The following KAZN variants were observed in gnomAD, a reference collection of about 807,000 sequenced individuals.
The protein encoded by KAZN is kazrin.
A neutral mutation model predicts 87.4 loss-of-function variants in KAZN; 40 were observed. The observed-to-expected ratio is 0.46, with a 90% CI of 0.36 to 0.60. The LOEUF (loss-of-function observed/expected upper bound fraction) is 0.60. Among genes scored for constraint, KAZN ranks in the 20% least tolerant of loss-of-function variants. KAZN has a pLI of 0.00. For synonymous variants in KAZN, 466 were observed against 458.3 expected (o/e 1.02, Z -0.22); for missense variants, 898 against 1,073.9 (o/e 0.84, Z 2.29).
chr1:14,829,007 AG>A (rs1646978270), intron 1 of KAZN, among the ~76,000 whole-genome samples: 1 of 152,202 alleles, frequency 6.6e-6, no homozygotes, highest in Non-Finnish European at 1.5e-5. Context: ...GCTACAAGAG[AG>A]GCTGAGAAAG....
intron 2 of KAZN, among the ~76,000 whole-genome samples, chr1:14,513,305 C>T (rs1671016930): frequency 6.6e-6 from 1 of 152,166 alleles, no homozygotes; most frequent in Admixed American, 6.5e-5. Context: ...CTCCCACAGT[C>T]AGAAGCAGCA....
chr1:14,437,855 A>G (rs1666487976), intron 2 of KAZN, among the ~76,000 whole-genome samples: 1 of 152,170 alleles, frequency 6.6e-6, no homozygotes, highest in Admixed American at 6.5e-5. Flanking sequence ...AAGTGACAGC[A>G]ACAAAGAAAA....
intron 2 of KAZN, among the ~76,000 whole-genome samples, chr1:14,408,286 C>T (rs1009444977): frequency 2.6e-5 from 4 of 152,178 alleles, no homozygotes; most frequent in Non-Finnish European, 5.9e-5. Context: ...TAGAACATCA[C>T]AGCCTTATTG....
Position 14,830,857 on chromosome 1 carries a change from A to G in KAZN, c.227-129827A>G, listed in dbSNP as rs563228232. 1.9e-4 allele frequency among the ~76,000 whole-genome samples: 29 copies of G among 152,260 alleles called. No homozygotes were observed. In the South Asian group the frequency reaches 6.0e-3, roughly 32 times the overall value. On this transcript the variant is annotated intron_variant, in intron 1 of 14. Transcript: ENST00000376030. ...AGTTGGGTGGGGACATAGCCAAACC[A>G]TATCAAGGGAGAAATGTGGATGCTG...
At chr1:14,534,563 T>C (rs1672381028) in intron 2 of KAZN, among the ~76,000 whole-genome samples, 1 of 152,114 alleles carries the variant, frequency 6.6e-6, no homozygotes. Flanking sequence ...GAGAATCACT[T>C]GAACCCAGGA....
chr1:15,032,125 G>A (rs764824384), intron 2 of KAZN, among the ~76,000 whole-genome samples: 5 of 143,024 alleles, frequency 3.5e-5, no homozygotes, highest in Middle Eastern at 3.6e-3. Context: ...CACCCAGCCC[G>A]AGGCAGACGC....
At chr1:14,614,568 C>T (rs1252805071) in intron 1 of KAZN, among the ~76,000 whole-genome samples, 1 of 152,198 alleles carries the variant, frequency 6.6e-6, no homozygotes, top group Non-Finnish European at 1.5e-5. Context: ...TGGCAAAGCA[C>T]CTCCCGCGCT....
intron 1 of KAZN, among the ~76,000 whole-genome samples, chr1:14,142,040 C>T: frequency 6.6e-6 from 1 of 150,628 alleles, no homozygotes; most frequent in South Asian, 2.1e-4. Context: ...GTTTATTTAT[C>T]TACTGTAGAA....
intron 1 of KAZN, among the ~76,000 whole-genome samples, chr1:14,921,906 T>G (rs1292856092): frequency 6.6e-6 from 1 of 152,120 alleles, no homozygotes; most frequent in Admixed American, 6.5e-5. Context: ...GAGACGGGGT[T>G]TCACCATATT....
At chr1:14,402,095 A>G (rs1663460292) in intron 2 of KAZN, among the ~76,000 whole-genome samples, 1 of 151,948 alleles carries the variant, frequency 6.6e-6, no homozygotes, top group Admixed American at 6.6e-5. Flanking sequence ...ATGTAAAAAA[A>G]AAAAAGAGAA....
chr1:14,154,151 A>G lies in KAZN; in HGVS notation c.92-26284A>G, dbSNP rs115309100. On this transcript the variant is annotated intron_variant, in intron 1 of 16. Coordinates refer to the KAZN transcript ENST00000636203. ...ATCCATGAACATGAAATATCTTTCC[A>G]TTGTTTTGATCCTCTTCAATTTCTT... Among the ~76,000 whole-genome samples, 704 of 152,206 alleles carry G rather than the reference A, an allele frequency of 4.6e-3. 5 individuals are homozygous for G. Among genetic ancestry groups the G allele is most frequent in the African/African-American group, 0.016 (646 of 41,520 alleles).
At chr1:14,019,585 T>C (rs573730747) in intron 1 of KAZN, among the ~76,000 whole-genome samples, 1 of 152,288 alleles carries the variant, frequency 6.6e-6, no homozygotes, top group South Asian at 2.1e-4. Flanking sequence ...CAGCAGATAT[T>C]GCCAAGAACA....
intron 1 of KAZN, among the ~76,000 whole-genome samples, chr1:14,786,232 T>C (rs1265757983): frequency 6.6e-6 from 1 of 152,224 alleles, no homozygotes; most frequent in African/African-American, 2.4e-5. Flanking sequence ...CATTTGTATC[T>C]TGGGCACTGC....
At chr1:14,391,141 G>GA (rs1285136911) in intron 2 of KAZN, among the ~76,000 whole-genome samples, 1 of 152,174 alleles carries the variant, frequency 6.6e-6, no homozygotes, top group Admixed American at 6.5e-5. Flanking sequence ...TAATACCCAG[G>GA]AATGAGGCCC....
chr1:14,993,036 T>A (rs12410401), intron 2 of KAZN, among the ~76,000 whole-genome samples: 54,856 of 149,316 alleles, frequency 0.37, 11,147 homozygotes, highest in African/African-American at 0.54. Context: ...CATGTTGGCC[T>A]GGCTGGTCTC....
intron 2 of KAZN, among the ~76,000 whole-genome samples, chr1:14,566,554 T>G (rs949669130): frequency 2.6e-5 from 4 of 152,206 alleles, no homozygotes; most frequent in African/African-American, 9.7e-5. Context: ...GGCATTAATT[T>G]CTCTTACCCA....
chr1:14,300,336 A>T (rs1654457926), intron 2 of KAZN, among the ~76,000 whole-genome samples: 1 of 151,944 alleles, frequency 6.6e-6, no homozygotes. Context: ...GGCTCAAGTG[A>T]TCCTCCCACA....
chr1:14,928,171 C>T (rs889099421), intron 1 of KAZN, among the ~76,000 whole-genome samples: 1 of 152,196 alleles, frequency 6.6e-6, no homozygotes, highest in Non-Finnish European at 1.5e-5. Context: ...CACATTATGG[C>T]GGGGCGCAGT....
intron 1 of KAZN, among the ~76,000 whole-genome samples, chr1:14,091,007 G>T (rs1643965493): frequency 6.6e-6 from 1 of 151,620 alleles, no homozygotes; most frequent in African/African-American, 2.4e-5. Flanking sequence ...AGCTACTCAG[G>T]AGGCTGAGGC....
Sources: gnomAD v4.1 joint callset for allele counts (sites outside exome capture counted in the v4.1 genomes callset) on GRCh38, gnomAD v4.1.1 for gene constraint, MANE v1.5 for transcripts, NCBI Gene and HGNC (gene_info 2026-07-23, HGNC 2026-07-21) for gene names.